Variants in LVRN observed in about 807,000 individuals in gnomAD.
LVRN encodes the protein aminopeptidase Q.
Under a neutral mutation model 111.4 loss-of-function variants are expected in LVRN, and 99 were observed. The observed-to-expected ratio is 0.89, with a 90% CI of 0.76 to 1.05. The LOEUF is 1.05. LVRN is among the 50% of genes least tolerant of loss of function. The pLI is 0.00. For missense variants in LVRN, 1,414 were observed against 1,206.8 expected (o/e 1.17, Z -2.54); for synonymous variants, 488 against 449.5 (o/e 1.09, Z -1.08).
chr5:116,023,086 C>T (rs1748789644), intron 19 of LVRN, among the ~76,000 whole-genome samples: 1 of 152,210 alleles, frequency 6.6e-6, no homozygotes, highest in South Asian at 2.1e-4. Context: ...CCTAATCATC[C>T]TTTAAGATCC....
chr5:115,984,563 T>G lies in LVRN; in HGVS notation c.839-7T>G. The stretch of plus-strand genomic sequence containing the variant: ...GCTGTGATTTGAACTAAAATAAAAT[T>G]CTCTAGGTCAGTCTGAAAAAGAAGA... On this transcript the variant is annotated splice_region_variant and splice_polypyrimidine_tract_variant and intron_variant, in intron 2 of 19. Transcript: ENST00000357872. The G allele has an allele frequency of 6.2e-7, 1 of 1,612,020 alleles. No homozygotes were observed. Among genetic ancestry groups the G allele is most frequent in the East Asian group, 2.2e-5 (1 of 44,830 alleles).
chr5:116,014,956 C>T (rs1748569032), intron 16 of LVRN, among the ~76,000 whole-genome samples: 2 of 152,172 alleles, frequency 1.3e-5, no homozygotes, highest in South Asian at 4.2e-4. Context: ...GATATAGCAC[C>T]TCGGATGGAC....
In LVRN at chr5:115,992,183, T is replaced by C; in HGVS notation, c.1166T>C (p.Phe389Ser). ...ATGGAAAACTGGGGACTAATGATAT[T>C]TGATGAATCAGGATTGTTGTTGGAA... ...HAMENWGLMI[F>S]DESGLLLEPK... The change falls in exon 5 of 20, where the codon TTT becomes TCT. Residue 389 changes from phenylalanine to serine, a missense_variant. By Grantham distance (155) the Phe-to-Ser change is radical (BLOSUM62 -2). Transcript: ENST00000357872. 1.2e-6 allele frequency: 2 copies of C among 1,613,974 alleles called. No homozygotes were observed. Among genetic ancestry groups the C allele is most frequent in the Non-Finnish European group, 1.7e-6 (2 of 1,179,880 alleles).
In LVRN at chr5:116,026,867, G is replaced by T. The variant is rs1748878207; in HGVS notation, c.*749G>T. On this transcript the variant is annotated 3_prime_UTR_variant, in exon 20 of 20. Transcript: ENST00000357872. ...AGGCTCTGCTCTGAAGCTCTTAATT[G>T]TGTATTCACCAGTGGGATGGACACC... 6.6e-6 allele frequency: 1 copy of T among 152,270 alleles called. No homozygotes were observed. The highest frequency in any genetic ancestry group is 1.5e-5 in the Non-Finnish European group (1 of 68,094). 9.4% of individuals were successfully genotyped at this position (152,270 alleles called of 1,614,324 possible).
intron 1 of LVRN, among the ~76,000 whole-genome samples, chr5:115,970,692 A>G (rs1032059624): frequency 1.5e-5 from 2 of 129,930 alleles, no homozygotes; most frequent in Non-Finnish European, 3.5e-5. Flanking sequence ...TCTGAAATAC[A>G]TGCTTTTTGT....
At chr5:115,987,533 G>T (rs2112577439) in intron 3 of LVRN, among the ~76,000 whole-genome samples, 1 of 152,240 alleles carries the variant, frequency 6.6e-6, no homozygotes, top group Middle Eastern at 3.4e-3. Context: ...AGGGGTAGAT[G>T]CTGGTACAAC....
chr5:116,019,354 C>T (rs1379831902), intron 18 of LVRN, among the ~76,000 whole-genome samples: 1 of 152,114 alleles, frequency 6.6e-6, no homozygotes, highest in East Asian at 1.9e-4. Context: ...CCATTGTTGA[C>T]TGAAACATTG....
intron 4 of LVRN, among the ~76,000 whole-genome samples, chr5:115,989,113 A>T (rs952397472): frequency 6.6e-6 from 1 of 152,136 alleles, no homozygotes; most frequent in African/African-American, 2.4e-5. Flanking sequence ...CCTCCAAGCC[A>T]TCCTTTATAT....
chr5:115,999,614 A>C, intron 6 of LVRN, 148 bp from the exon 7 acceptor site: 1 of 756,476 alleles, frequency 1.3e-6, no homozygotes, highest in Non-Finnish European at 2.1e-6. Context: ...TCCTGACTTT[A>C]TTTGGCATAT....
intron 12 of LVRN, among the ~76,000 whole-genome samples, chr5:116,004,202 C>T (rs1748307773): frequency 6.6e-6 from 1 of 152,152 alleles, no homozygotes; most frequent in South Asian, 2.1e-4. Flanking sequence ...CACAAAACAT[C>T]AATAGTCCAA....
chr5:115,984,615 C>G lies in LVRN; in HGVS notation c.884C>G (p.Thr295Arg), dbSNP rs766810003. The G allele has an allele frequency of 3.7e-6, 6 of 1,613,628 alleles. No individual in the cohort carries two copies. The highest frequency in any genetic ancestry group is 5.1e-6 in the Non-Finnish European group (6 of 1,179,734). ...GTGAATGGAAGCAAATGGACTGTTACAACCTTTTCCACTACGCCCCACATG... is the reference window on the plus strand; with the variant it reads ...GTGAATGGAAGCAAATGGACTGTTAGAACCTTTTCCACTACGCCCCACATG... ...EDVNGSKWTVTTFSTTPHMPT... is the reference protein window; with the variant it reads ...EDVNGSKWTVRTFSTTPHMPT... The change falls in exon 3 of 20, where the codon ACA becomes AGA. Residue 295 changes from threonine (T) to arginine (R), a missense_variant. Coordinates refer to ENST00000357872, the MANE Select transcript of LVRN (RefSeq NM_173800.5).
intron 1 of LVRN, chr5:115,975,034 T>G (rs982446078): frequency 1.8e-5 from 6 of 341,900 alleles, no homozygotes; most frequent in South Asian, 1.5e-4. Flanking sequence ...AAATTCATTT[T>G]TCTTCCTCTG....
At chr5:115,980,592 T>C (rs1753541386) in intron 1 of LVRN, among the ~76,000 whole-genome samples, 1 of 152,052 alleles carries the variant, frequency 6.6e-6, no homozygotes, top group Admixed American at 6.6e-5. Context: ...ACCTGTAAAA[T>C]AAAAGTTTCC....
At chr5:116,012,510 C>T (rs1282829156) in intron 15 of LVRN, 42 bp downstream of exon 15, 1 of 1,186,298 alleles carries the variant, frequency 8.4e-7, no homozygotes, top group Non-Finnish European at 1.2e-6. Context: ...AAAATGCATT[C>T]ATATTAATAG....
intron 1 of LVRN, among the ~76,000 whole-genome samples, chr5:115,980,583 C>T (rs1447949619): frequency 6.6e-6 from 1 of 152,004 alleles, no homozygotes; most frequent in Non-Finnish European, 1.5e-5. Context: ...ACTTTTGGAA[C>T]CTGTAAAATA....
intron 10 of LVRN, among the ~76,000 whole-genome samples, chr5:116,001,606 T>C (rs149268240): frequency 1.3e-5 from 2 of 152,330 alleles, no homozygotes; most frequent in African/African-American, 4.8e-5. Flanking sequence ...GAAGTCTTAC[T>C]GCAGAGTGGT....
rs184483226 is a variant in LVRN, at chr5:115,964,071, C to T, written c.695+759C>T. 2.9e-4 allele frequency among the ~76,000 whole-genome samples: 44 copies of T among 152,356 alleles called. No individual in the cohort carries two copies. The East Asian group carries it at 8.5e-3, about 29-fold the overall frequency. ...ATAATATCTCCTACACGGAATGTTT[C>T]CTGCCCCTGCACAAGAATTGTCTCT... On this transcript the variant is annotated intron_variant, in intron 1 of 19. Coordinates refer to ENST00000357872, the MANE Select transcript of LVRN (RefSeq NM_173800.5).
rs751278713 is a variant in LVRN, at chr5:116,026,092, G to T, written c.2947G>T (p.Ala983Ser). Residue 983 changes from alanine to serine, a missense_variant, in exon 20 of 20, where the codon GCT (alanine) becomes TCT (serine). Ala to Ser is a moderately conservative substitution (Grantham distance 99). Transcript: ENST00000357872. ...LKNKKLSARI[A>S]AWLRRNT ...AAACAAGAAGCTAAGTGCCAGGATA[G>T]CTGCGTGGCTAAGGAGAAACACATA... The T allele has an allele frequency of 6.8e-6, 11 of 1,613,842 alleles. No homozygotes were observed. Among genetic ancestry groups the T allele is most frequent in the Non-Finnish European group, 5.9e-6 (7 of 1,179,822 alleles).
Position 115,963,006 on chromosome 5 carries a change from G to A in LVRN, c.389G>A (p.Arg130His). ...LPAGSLPFTG[R>H]VNITVRCTVA... is the part of the protein sequence containing the mutation. Reference sequence around the variant, plus strand: ...GCCGGGTCTTTGCCCTTCACTGGCCGCGTGAACATCACGGTGCGCTGCACG... The same window carrying A: ...GCCGGGTCTTTGCCCTTCACTGGCCACGTGAACATCACGGTGCGCTGCACG... The change falls in exon 1 of 20, where the codon CGC becomes CAC. Residue 130 changes from arginine to histidine, a missense_variant. Coordinates refer to ENST00000357872, the MANE Select transcript of LVRN (RefSeq NM_173800.5). 5 of 1,613,564 alleles carry A rather than the reference G, an allele frequency of 3.1e-6. No homozygotes were observed. The highest frequency in any genetic ancestry group is 1.7e-5 in the Admixed American group (1 of 60,018).
Sources: gnomAD v4.1 joint callset for allele counts (sites outside exome capture counted in the v4.1 genomes callset) on GRCh38, gnomAD v4.1.1 for gene constraint, MANE v1.5 for transcripts, NCBI Gene and HGNC (gene_info 2026-07-23, HGNC 2026-07-21) for gene names.